EYS: variants seen among roughly 807,000 people sequenced by gnomAD.
EYS encodes EGF-like photoreceptor maintenance factor, also known as protein eyes shut homolog.
EYS carries 250 observed loss-of-function variants against 282.1 expected under a neutral mutation model. That is an observed-to-expected ratio of 0.89 (90% CI 0.80 to 0.98). The LOEUF (loss-of-function observed/expected upper bound fraction) is 0.98, where lower values mean the gene tolerates loss of function less well. Ranked by LOEUF, EYS falls within the 50% of genes least tolerant of loss-of-function variation. The pLI is 0.00. For missense variants in EYS, 4,016 were observed against 3,709.0 expected (o/e 1.08, Z -2.15); for synonymous variants, 1,355 against 1,282.9 (o/e 1.06, Z -1.20).
intron 29 of EYS, among the ~76,000 whole-genome samples, chr6:64,364,562 C>G (rs1217917625): frequency 6.6e-6 from 1 of 151,828 alleles, no homozygotes; most frequent in Non-Finnish European, 1.5e-5. Context: ...GTGAATAAAT[C>G]TCAGGCTGCA....
chr6:65,659,933 C>T (rs1351493288), intron 1 of EYS, among the ~76,000 whole-genome samples: 1 of 151,626 alleles, frequency 6.6e-6, no homozygotes, highest in Non-Finnish European at 1.5e-5. Flanking sequence ...TCTTGGAAGT[C>T]CACCCCTAAG....
At position 64,680,715 on chromosome 6, in the gene EYS, G is replaced by T. The variant is rs149079466; in HGVS notation, c.3444-54470C>A. On this transcript the variant is annotated intron_variant, in intron 22 of 42. Coordinates refer to ENST00000503581, the MANE Select transcript of EYS (RefSeq NM_001142800.2). ...TAGTTTCAGCAGGCCAAGAATATGTGGAGACCGATTACCTTAGCCCTAGTT... is the reference window on the plus strand; with the variant it reads ...TAGTTTCAGCAGGCCAAGAATATGTTGAGACCGATTACCTTAGCCCTAGTT... 7.9e-4 allele frequency among the ~76,000 whole-genome samples: 120 copies of T among 152,236 alleles called. 1 individual carries two copies. The highest frequency in any genetic ancestry group is 2.7e-3 in the African/African-American group (111 of 41,538).
intron 2 of EYS, among the ~76,000 whole-genome samples, chr6:65,515,857 G>T (rs1011725350): frequency 6.0e-5 from 9 of 150,858 alleles, no homozygotes; most frequent in Non-Finnish European, 1.0e-4. Flanking sequence ...CGAGTTAACG[G>T]GTGCAGCACA....
chr6:65,216,304 T>A (rs2150255685), intron 12 of EYS, among the ~76,000 whole-genome samples: 1 of 152,170 alleles, frequency 6.6e-6, no homozygotes, highest in East Asian at 1.9e-4. Flanking sequence ...TCTGTACACG[T>A]CTATATGACT....
At chr6:65,262,037 G>A (rs1767635700) in intron 12 of EYS, among the ~76,000 whole-genome samples, 1 of 151,964 alleles carries the variant, frequency 6.6e-6, no homozygotes, top group Non-Finnish European at 1.5e-5. Context: ...GAGATCAAAA[G>A]AGAAAAGTAC....
intron 26 of EYS, among the ~76,000 whole-genome samples, chr6:64,531,442 A>C (rs1353533057): frequency 2.0e-5 from 3 of 149,900 alleles, no homozygotes; most frequent in African/African-American, 7.3e-5. Flanking sequence ...CCTGGAGTGC[A>C]GTGGCGTGAT....
At chr6:65,183,988 C>T (rs2150235330) in intron 12 of EYS, among the ~76,000 whole-genome samples, 1 of 151,964 alleles carries the variant, frequency 6.6e-6, no homozygotes, top group Middle Eastern at 3.4e-3. Flanking sequence ...AATCGGAATT[C>T]CATGGAACAT....
At chr6:64,638,796 T>TTTC (rs1768048143) in intron 22 of EYS, among the ~76,000 whole-genome samples, 1 of 91,220 alleles carries the variant, frequency 1.1e-5, no homozygotes, top group Admixed American at 1.2e-4. Context: ...GGTGCTGATG[T>TTTC]TTCTACTTCC....
intron 9 of EYS, among the ~76,000 whole-genome samples, chr6:65,352,821 T>C (rs1322338946): frequency 6.6e-6 from 1 of 151,956 alleles, no homozygotes; most frequent in Non-Finnish European, 1.5e-5. Context: ...CCCAGCATTT[T>C]AGTTCTGGCT....
intron 41 of EYS, among the ~76,000 whole-genome samples, chr6:63,750,991 A>G (rs889873055): frequency 8.6e-5 from 13 of 151,838 alleles, no homozygotes; most frequent in Non-Finnish European, 1.8e-4. Context: ...GAATTTCACC[A>G]CTCTTACCTT....
At chr6:65,543,179 G>A (rs931077107) in intron 2 of EYS, among the ~76,000 whole-genome samples, 31 of 151,512 alleles carry the variant, frequency 2.0e-4, no homozygotes, top group Middle Eastern at 3.4e-3. Flanking sequence ...CCACCATGCC[G>A]GGCTAATTTT....
intron 22 of EYS, among the ~76,000 whole-genome samples, chr6:64,738,665 A>T (rs1357701181): frequency 6.6e-6 from 1 of 152,196 alleles, no homozygotes; most frequent in Non-Finnish European, 1.5e-5. Context: ...GAAAATTTTA[A>T]TTTTTCTTTA....
intron 31 of EYS, among the ~76,000 whole-genome samples, chr6:64,200,927 C>T (rs1403616269): frequency 6.6e-6 from 1 of 151,790 alleles, no homozygotes; most frequent in Non-Finnish European, 1.5e-5. Context: ...TTTACTTTGT[C>T]CACTAATTGT....
At chr6:64,775,251 A>T (rs965112258) in intron 22 of EYS, among the ~76,000 whole-genome samples, 1 of 151,896 alleles carries the variant, frequency 6.6e-6, no homozygotes, top group Non-Finnish European at 1.5e-5. Context: ...AACCAAATAG[A>T]CTTCTGCTCA....
At chr6:65,166,752 C>A (rs997294313) in intron 12 of EYS, among the ~76,000 whole-genome samples, 3 of 150,956 alleles carry the variant, frequency 2.0e-5, no homozygotes, top group Non-Finnish European at 4.5e-5. Context: ...AGTGTAAAGA[C>A]AACCCATAGA....
At chr6:63,781,648 G>C (rs1770230455) in intron 39 of EYS, among the ~76,000 whole-genome samples, 2 of 152,138 alleles carry the variant, frequency 1.3e-5, no homozygotes, top group South Asian at 2.1e-4. Flanking sequence ...GGAGATTTTG[G>C]GCTGAGACAA....
chr6:64,361,831 T>C (rs1342055305), intron 29 of EYS, among the ~76,000 whole-genome samples: 2 of 151,826 alleles, frequency 1.3e-5, no homozygotes, highest in African/African-American at 4.8e-5. Context: ...AGGCAATTAT[T>C]ACTTTAAATG....
At chr6:65,032,620 C>T (rs971247653) in intron 13 of EYS, among the ~76,000 whole-genome samples, 1 of 152,062 alleles carries the variant, frequency 6.6e-6, no homozygotes, top group African/African-American at 2.4e-5. Flanking sequence ...TGGGCAGATG[C>T]CAGCACCATA....
At chr6:64,318,973 G>C (rs1770092144) in intron 29 of EYS, among the ~76,000 whole-genome samples, 1 of 151,592 alleles carries the variant, frequency 6.6e-6, no homozygotes, top group Non-Finnish European at 1.5e-5. Flanking sequence ...CTGACTTATA[G>C]TCACCCTGTT....
Sources: gnomAD v4.1 joint callset for allele counts (sites outside exome capture counted in the v4.1 genomes callset) on GRCh38, gnomAD v4.1.1 for gene constraint, MANE v1.5 for transcripts, NCBI Gene and HGNC (gene_info 2026-07-23, HGNC 2026-07-21) for gene names.